GRIN2A: variants seen among roughly 807,000 people sequenced by gnomAD.
The protein encoded by GRIN2A is glutamate receptor ionotropic, NMDA 2A.
Under a neutral mutation model 113.4 loss-of-function variants are expected in GRIN2A, and 22 were observed. The observed-to-expected ratio is 0.19, with a 90% CI of 0.14 to 0.28. GRIN2A has a LOEUF of 0.28. Ranked by LOEUF, GRIN2A falls within the 10% of genes least tolerant of loss-of-function variation. The pLI, the probability that GRIN2A is intolerant of heterozygous loss-of-function variation, is 1.00. For synonymous variants in GRIN2A, 827 were observed against 738.4 expected (o/e 1.12, Z -1.94); for missense variants, 1,502 against 1,887.0 (o/e 0.80, Z 3.78).
chr16:10,120,315 A>G (rs1454128547), intron 2 of GRIN2A, among the ~76,000 whole-genome samples: 3 of 152,182 alleles, frequency 2.0e-5, no homozygotes, highest in African/African-American at 4.8e-5. Flanking sequence ...ATATCTTACA[A>G]TGCACAGAAC....
At chr16:10,044,680 G>C (rs2047228340) in intron 2 of GRIN2A, among the ~76,000 whole-genome samples, 1 of 149,960 alleles carries the variant, frequency 6.7e-6, no homozygotes, top group South Asian at 2.1e-4. Flanking sequence ...TGTTATGAAA[G>C]GGATGCACAC....
In GRIN2A at chr16:10,116,667, A is replaced by C. The variant is rs75103661; in HGVS notation, c.414+63331T>G. ...AGACAGGAAAGGAAAAGAAGCCAGC[A>C]GCAGGGAAATTCATGGGAAGGTTAC... On this transcript the variant is annotated intron_variant, in intron 2 of 12. Coordinates refer to ENST00000330684, the MANE Select transcript of GRIN2A (RefSeq NM_001134407.3). Among the ~76,000 whole-genome samples the C allele has an allele frequency of 7.4e-3, 1,129 of 152,272 alleles. 19 individuals carry two copies. The highest frequency in any genetic ancestry group is 0.026 in the African/African-American group (1,081 of 41,530).
chr16:10,055,046 TCAAAAAAAAAAAAAAA>T (rs2047423209), intron 2 of GRIN2A, among the ~76,000 whole-genome samples: 1 of 12,492 alleles, frequency 8.0e-5, no homozygotes, highest in Non-Finnish European at 1.3e-4. Context: ...AGACTCTATC[TCAAAAAAAAAAAAAAA>T]AAAAAAAAAA....
chr16:10,170,921 T>C (rs1180360320), intron 2 of GRIN2A, among the ~76,000 whole-genome samples: 1 of 151,638 alleles, frequency 6.6e-6, no homozygotes, highest in African/African-American at 2.4e-5. Context: ...ACCTTTAATA[T>C]ATACAATTTT....
intron 3 of GRIN2A, among the ~76,000 whole-genome samples, chr16:9,892,243 C>A (rs1168545956): frequency 6.6e-6 from 1 of 151,520 alleles, no homozygotes; most frequent in Non-Finnish European, 1.5e-5. Flanking sequence ...GAAAAACAAA[C>A]AAACAAAAAA....
In GRIN2A at chr16:9,957,000, C is replaced by T. The variant is rs1035239996; in HGVS notation, c.415-18449G>A. 3.3e-5 allele frequency among the ~76,000 whole-genome samples: 5 copies of T among 152,330 alleles called. No homozygotes were observed. The South Asian group carries it at 1.0e-3, about 32-fold the overall frequency. On this transcript the variant is annotated intron_variant, in intron 2 of 12. Transcript: ENST00000330684. ...CTAAAGAAGAGGCTATTACCTTCCT[C>T]TGACCTCTCAGTTGCCCAAGAATCT...
At chr16:10,158,287 G>C (rs1049114715) in intron 2 of GRIN2A, among the ~76,000 whole-genome samples, 1 of 152,206 alleles carries the variant, frequency 6.6e-6, no homozygotes, top group African/African-American at 2.4e-5. Context: ...TTACAGGCGT[G>C]AGCCACTGTA....
intron 12 of GRIN2A, among the ~76,000 whole-genome samples, chr16:9,768,031 T>A (rs551141730): frequency 1.3e-5 from 2 of 152,158 alleles, no homozygotes; most frequent in Non-Finnish European, 2.9e-5. Context: ...TCTGGCCCAG[T>A]GTTTTTAAAT....
At position 9,840,644 on chromosome 16, in the gene GRIN2A, C is replaced by A. The variant is rs2042657690; in HGVS notation, c.1651+3G>T. ...AGCAATAGTCACTATGAAATTCACA[C>A]ACCTAGAAAAGCAGAAGGTGAGACG... On this transcript the variant is annotated splice_donor_region_variant and intron_variant, in intron 7 of 12. Coordinates refer to ENST00000330684, the MANE Select transcript of GRIN2A (RefSeq NM_001134407.3). 3 of 1,612,882 alleles carry A rather than the reference C, an allele frequency of 1.9e-6. No individual in the cohort carries two copies. The African/African-American group carries it at 4.0e-5, about 22-fold the overall frequency.
At chr16:9,996,525 A>G (rs2046226786) in intron 2 of GRIN2A, among the ~76,000 whole-genome samples, 1 of 152,180 alleles carries the variant, frequency 6.6e-6, no homozygotes. Context: ...TCGAAATCCA[A>G]CTAGACATCT....
chr16:9,949,127 C>G (rs1382469228), intron 2 of GRIN2A, among the ~76,000 whole-genome samples: 1 of 152,220 alleles, frequency 6.6e-6, no homozygotes, highest in African/African-American at 2.4e-5. Flanking sequence ...CCAGAACACA[C>G]TGTCCAGGTC....
At chr16:9,820,157 A>G (rs1420042) in intron 10 of GRIN2A, among the ~76,000 whole-genome samples, 47,056 of 151,864 alleles carry the variant, frequency 0.31, 8,046 homozygotes, top group African/African-American at 0.46. Context: ...TATTATATTA[A>G]AAAAAAGATT....
intron 2 of GRIN2A, among the ~76,000 whole-genome samples, chr16:10,104,907 A>C (rs1414926018): frequency 1.3e-5 from 2 of 152,218 alleles, no homozygotes; most frequent in East Asian, 3.8e-4. Flanking sequence ...AAGACACCTG[A>C]AACTCCACGA....
chr16:10,120,601 G>C (rs184672947), intron 2 of GRIN2A, among the ~76,000 whole-genome samples: 3 of 151,954 alleles, frequency 2.0e-5, no homozygotes, highest in Admixed American at 2.0e-4. Flanking sequence ...ATATACAAGG[G>C]GGGTGGATGC....
At position 9,759,981 on chromosome 16, in the gene GRIN2A, C is replaced by G. The variant is rs898629077; in HGVS notation, c.*3168G>C. The G allele has an allele frequency of 1.7e-5, 4 of 231,148 alleles. No individual in the cohort carries two copies. Among genetic ancestry groups the G allele is most frequent in the African/African-American group, 6.6e-5 (3 of 45,212 alleles). The allele number at this position is 231,148 out of a possible 1,614,324, so 14.3% of individuals were successfully genotyped here. Reference sequence around the variant, plus strand: ...CTATTACCCATGGACAGAGACCCAACCGTTTGCATTCAAGTGTACCTATCT... The same window carrying G: ...CTATTACCCATGGACAGAGACCCAAGCGTTTGCATTCAAGTGTACCTATCT... On this transcript the variant is annotated 3_prime_UTR_variant, in exon 13 of 13. Coordinates refer to ENST00000330684, the MANE Select transcript of GRIN2A (RefSeq NM_001134407.3).
At chr16:9,888,746 G>T (rs539298946) in intron 4 of GRIN2A, among the ~76,000 whole-genome samples, 1 of 151,538 alleles carries the variant, frequency 6.6e-6, no homozygotes, top group African/African-American at 2.4e-5. Context: ...TATATAAATC[G>T]ATATATATAT....
intron 2 of GRIN2A, among the ~76,000 whole-genome samples, chr16:10,147,800 C>T (rs576919559): frequency 6.6e-6 from 1 of 152,288 alleles, no homozygotes; most frequent in African/African-American, 2.4e-5. Context: ...TTCTCCATTT[C>T]TCTCTGTTCC....
Position 9,856,057 on chromosome 16 carries a change from A to G in GRIN2A, c.1123-6096T>C, listed in dbSNP as rs562963693. Among the ~76,000 whole-genome samples the G allele has an allele frequency of 3.3e-5, 5 of 152,292 alleles. 1 individual carries two copies. The South Asian group carries it at 1.0e-3, about 32-fold the overall frequency. ...TGTTAACACTGATTAGGGCTTTACT[A>G]TGTGTTTCCAGGAGCAGTGCTAAGG... On this transcript the variant is annotated intron_variant, in intron 4 of 12. Coordinates refer to ENST00000330684, the MANE Select transcript of GRIN2A (RefSeq NM_001134407.3).
intron 2 of GRIN2A, among the ~76,000 whole-genome samples, chr16:9,982,447 C>G (rs2045908770): frequency 6.6e-6 from 1 of 152,222 alleles, no homozygotes; most frequent in African/African-American, 2.4e-5. Context: ...CATTTATTAC[C>G]CGGAACTACG....
Sources: allele counts gnomAD v4.1 joint callset (sites outside exome capture counted in the v4.1 genomes callset), GRCh38; gene constraint gnomAD v4.1.1; transcripts MANE v1.5; gene names NCBI Gene and HGNC (gene_info 2026-07-23, HGNC 2026-07-21).